The following PRR11 variants were observed in gnomAD, a reference collection of about 807,000 sequenced individuals.
PRR11 encodes proline-rich protein 11.
Under a neutral mutation model 45.6 loss-of-function variants are expected in PRR11, and 30 were observed. The observed-to-expected ratio is 0.66, with a 90% confidence interval of 0.49 to 0.89. PRR11 has a LOEUF of 0.89. PRR11 is among the 40% of genes least tolerant of loss of function. PRR11 has a pLI of 0.00. For synonymous variants in PRR11, 128 were observed against 153.5 expected (o/e 0.83, Z 1.23); for missense variants, 373 against 424.8 (o/e 0.88, Z 1.07).
At chr17:59,184,067 C>T (rs1401599732) in intron 2 of PRR11, among the ~76,000 whole-genome samples, 2 of 152,088 alleles carry the variant, frequency 1.3e-5, no homozygotes, top group Admixed American at 1.3e-4. Context: ...ATCTTGCCAC[C>T]GCACTCCAGT....
chr17:59,177,320 A>G (rs2046753343), intron 2 of PRR11: 1 of 541,238 alleles, frequency 1.8e-6, no homozygotes, highest in Non-Finnish European at 3.8e-6. Context: ...TCGTGGAGAC[A>G]GTGGAATGGG....
At chr17:59,168,404 G>A (rs527555302) in intron 1 of PRR11, among the ~76,000 whole-genome samples, 112 of 152,120 alleles carry the variant, frequency 7.4e-4, no homozygotes, top group African/African-American at 2.6e-3. Flanking sequence ...TCCTGGCCTC[G>A]AGTGATCTGC....
intron 2 of PRR11, chr17:59,174,959 C>T: frequency 1.1e-6 from 1 of 885,214 alleles, no homozygotes; most frequent in Admixed American, 1.9e-5. Context: ...CCCCGCCTAC[C>T]TCCTCCAACT....
At chr17:59,186,381 A>ATT (rs59082405) in intron 4 of PRR11, among the ~76,000 whole-genome samples, 5,512 of 84,184 alleles carry the variant, frequency 0.065, 706 homozygotes, top group Non-Finnish European at 0.095. Flanking sequence ...GCTGTTTGTA[A>ATT]TTTTTTTTTT....
intron 2 of PRR11, chr17:59,181,769 C>A (rs796231271): frequency 5.1e-6 from 8 of 1,554,544 alleles, no homozygotes; most frequent in Non-Finnish European, 7.0e-6. Context: ...AACCAGGCCA[C>A]CATGTAATGC....
chr17:59,167,663 G>A (rs1030588537), intron 1 of PRR11, among the ~76,000 whole-genome samples: 9 of 152,078 alleles, frequency 5.9e-5, no homozygotes, highest in African/African-American at 2.2e-4. Flanking sequence ...GAAAGGGTGG[G>A]GATTTCCCAG....
chr17:59,189,016 T>G (rs2046827964), intron 4 of PRR11, among the ~76,000 whole-genome samples: 1 of 150,790 alleles, frequency 6.6e-6, no homozygotes, highest in South Asian at 2.1e-4. Context: ...CAGAACAGTG[T>G]TTATAGGATG....
intron 1 of PRR11, among the ~76,000 whole-genome samples, chr17:59,160,575 T>C (rs144117755): frequency 1.3e-5 from 2 of 152,192 alleles, no homozygotes; most frequent in East Asian, 3.9e-4. Flanking sequence ...GCACGGCCTA[T>C]AATATGACCT....
intron 9 of PRR11, among the ~76,000 whole-genome samples, chr17:59,199,035 T>C (rs2046879808): frequency 6.6e-6 from 1 of 152,072 alleles, no homozygotes; most frequent in Non-Finnish European, 1.5e-5. Context: ...TTCAGTCTAG[T>C]GGGGAAAATA....
intron 4 of PRR11, among the ~76,000 whole-genome samples, chr17:59,188,463 T>C (rs1425806686): frequency 1.3e-5 from 2 of 152,258 alleles, no homozygotes; most frequent in African/African-American, 4.8e-5. Flanking sequence ...ATTTGAAAAA[T>C]AGCGAAAACT....
intron 2 of PRR11, among the ~76,000 whole-genome samples, chr17:59,171,257 C>T (rs890741145): frequency 2.0e-5 from 3 of 150,094 alleles, no homozygotes; most frequent in African/African-American, 4.9e-5. Context: ...AGCGAGACTC[C>T]GTCTCAAAAA....
rs1391945401 is a variant in PRR11, at chr17:59,206,296, G to A, written c.*4665G>A. 6.6e-6 allele frequency among the ~76,000 whole-genome samples: 1 copy of A among 152,062 alleles called. No homozygotes were observed. The highest frequency in any genetic ancestry group is 1.5e-5 in the Non-Finnish European group (1 of 68,010). ...TGGAAGAATCACTTGAGCCCGGGAGGTTGAGGCTGCAGTGAGCTGTGTTTA... is the reference window on the plus strand; with the variant it reads ...TGGAAGAATCACTTGAGCCCGGGAGATTGAGGCTGCAGTGAGCTGTGTTTA... On this transcript the variant is annotated 3_prime_UTR_variant, in exon 10 of 10. Transcript: ENST00000262293.
Position 59,183,328 on chromosome 17 carries a change from T to C in PRR11, c.129-1726T>C, listed in dbSNP as rs554721127. ...TTCTCTGTACATGCCCATTTCAGAG[T>C]CCAGTCTGGTGGGAGAGGGAGGGTG... On this transcript the variant is annotated intron_variant, in intron 2 of 9. Coordinates refer to ENST00000262293, the MANE Select transcript of PRR11 (RefSeq NM_018304.4). 2.0e-5 allele frequency among the ~76,000 whole-genome samples: 3 copies of C among 152,094 alleles called. No individual in the cohort carries two copies. The East Asian group carries it at 5.8e-4, about 29-fold the overall frequency.
At chr17:59,170,661 C>T (rs2046703307) in intron 2 of PRR11, among the ~76,000 whole-genome samples, 1 of 152,146 alleles carries the variant, frequency 6.6e-6, no homozygotes, top group Non-Finnish European at 1.5e-5. Context: ...TCAAGTGATC[C>T]TCCCACCATG....
intron 1 of PRR11, among the ~76,000 whole-genome samples, chr17:59,167,864 CT>C (rs1481718595): frequency 6.6e-6 from 1 of 152,180 alleles, no homozygotes; most frequent in Non-Finnish European, 1.5e-5. Flanking sequence ...ACGTTCTTTA[CT>C]GCATCCTGTT....
intron 2 of PRR11, among the ~76,000 whole-genome samples, 198 bp from the exon 3 acceptor site, chr17:59,184,850 GTTTTTT>G (rs5821252): frequency 2.8e-5 from 2 of 72,694 alleles, no homozygotes; most frequent in African/African-American, 1.2e-4. Context: ...GCCTGATTAA[GTTTTTT>G]TTTTTTTTTT....
rs145164508 is a variant in PRR11 at position 59,185,196 on chromosome 17, A to G, written c.271A>G (p.Ile91Val). The G allele has an allele frequency of 2.8e-4, 444 of 1,613,980 alleles. No individual in the cohort carries two copies. Among genetic ancestry groups the G allele is most frequent in the Admixed American group, 7.0e-4 (42 of 59,956 alleles). The part of the protein sequence containing the change: ...WSIYSWCQNC[I>V]TQSLEVLKDT... Reference sequence around the variant, plus strand: ...TATATACAGCTGGTGCCAGAACTGCATAACCCAGGTATGGATGTGACATCC... The same window carrying G: ...TATATACAGCTGGTGCCAGAACTGCGTAACCCAGGTATGGATGTGACATCC... The change falls in exon 3 of 10, where the codon ATA (isoleucine) becomes GTA (valine). Residue 91 changes from isoleucine to valine, a missense_variant. Transcript: ENST00000262293.
At chr17:59,195,236 A>G (rs1356045040) in intron 6 of PRR11, 95 bp from the exon 7 acceptor site, 1 of 930,094 alleles carries the variant, frequency 1.1e-6, no homozygotes, top group African/African-American at 1.6e-5. Flanking sequence ...TATCTTACAC[A>G]AACTCAGCAC....
intron 1 of PRR11, among the ~76,000 whole-genome samples, chr17:59,164,198 T>G (rs2046667872): frequency 6.6e-6 from 1 of 152,232 alleles, no homozygotes; most frequent in African/African-American, 2.4e-5. Context: ...GGTTGAGCAG[T>G]TGCAGCAGAG....
Sources: gnomAD v4.1 joint callset for allele counts (sites outside exome capture counted in the v4.1 genomes callset) on GRCh38, gnomAD v4.1.1 for gene constraint, MANE v1.5 for transcripts, NCBI Gene and HGNC (gene_info 2026-07-23, HGNC 2026-07-21) for gene names.